Variants in SNTB1 observed in about 807,000 individuals in gnomAD.
The protein encoded by SNTB1 is syntrophin beta 1, also known as beta-1-syntrophin.
A neutral mutation model predicts 48.9 loss-of-function variants in SNTB1; 36 were observed. That is an observed-to-expected ratio of 0.74 (90% CI 0.56 to 0.97). The LOEUF (loss-of-function observed/expected upper bound fraction) is 0.97, where lower values mean the gene tolerates loss of function less well. Ranked by LOEUF, SNTB1 falls within the 50% of genes least tolerant of loss-of-function variation. The pLI is 0.00. For synonymous variants in SNTB1, 299 were observed against 294.6 expected (o/e 1.01, Z -0.15); for missense variants, 786 against 703.4 (o/e 1.12, Z -1.33).
chr8:120,748,880 A>G (rs1418193496), intron 1 of SNTB1, among the ~76,000 whole-genome samples: 2 of 152,190 alleles, frequency 1.3e-5, no homozygotes, highest in Non-Finnish European at 2.9e-5. Flanking sequence ...GACTTCCAGT[A>G]AGTCATTTGC....
chr8:120,777,602 A>G (rs1000934507), intron 1 of SNTB1, among the ~76,000 whole-genome samples: 1 of 152,222 alleles, frequency 6.6e-6, no homozygotes, highest in African/African-American at 2.4e-5. Context: ...TACCTTCCTC[A>G]CTGGCTTCAT....
At chr8:120,805,014 T>C (rs79931888) in intron 1 of SNTB1, among the ~76,000 whole-genome samples, 3,372 of 152,324 alleles carry the variant, frequency 0.022, 117 homozygotes, top group African/African-American at 0.074. Context: ...ATGTTGCTTC[T>C]TTAGGGCAAT....
chr8:120,581,460 G>A (rs549345409), intron 3 of SNTB1, among the ~76,000 whole-genome samples: 18 of 151,944 alleles, frequency 1.2e-4, no homozygotes, highest in African/African-American at 3.1e-4. Flanking sequence ...AAAAATTAGC[G>A]GGGCATGGTG....
At chr8:120,581,199 G>C (rs542505017) in intron 3 of SNTB1, among the ~76,000 whole-genome samples, 1 of 152,204 alleles carries the variant, frequency 6.6e-6, no homozygotes, top group African/African-American at 2.4e-5. Context: ...AAAAAGGCCA[G>C]AAAAAGAAGA....
rs532890025 is a variant in SNTB1, at chr8:120,536,679, A to C, written c.*2198T>G. The C allele has an allele frequency of 4.3e-4, 66 of 152,248 alleles. 1 individual carries two copies. The highest frequency in any genetic ancestry group is 1.5e-3 in the African/African-American group (62 of 41,574). 9.4% of individuals were successfully genotyped at this position (152,248 alleles called of 1,614,324 possible). Reference sequence around the variant, plus strand: ...TTTTATTCAAATATATTTTCCTAAAATATAAATAATTAAATTAAATGTTTA... The same window carrying C: ...TTTTATTCAAATATATTTTCCTAAACTATAAATAATTAAATTAAATGTTTA... On this transcript the variant is annotated 3_prime_UTR_variant, in exon 7 of 7. Transcript: ENST00000517992.
intron 1 of SNTB1, among the ~76,000 whole-genome samples, chr8:120,800,126 C>T (rs1030861919): frequency 2.0e-5 from 3 of 152,020 alleles, no homozygotes; most frequent in Admixed American, 2.0e-4. Flanking sequence ...GGCATCCTGG[C>T]AAGTTCCTTG....
chr8:120,626,341 T>A (rs1816882797), intron 3 of SNTB1, among the ~76,000 whole-genome samples: 1 of 152,208 alleles, frequency 6.6e-6, no homozygotes, highest in African/African-American at 2.4e-5. Flanking sequence ...TGCACAGTAG[T>A]GCTGGGTAAT....
chr8:120,675,166 C>T (rs138439478), intron 2 of SNTB1, among the ~76,000 whole-genome samples: 3,113 of 152,242 alleles, frequency 0.02, 102 homozygotes, highest in African/African-American at 0.07. Context: ...CAATCATTCA[C>T]TTGGATGGCT....
intron 1 of SNTB1, among the ~76,000 whole-genome samples, chr8:120,796,884 TAAAAGA>T (rs148749849): frequency 3.3e-5 from 5 of 152,146 alleles, no homozygotes; most frequent in Admixed American, 2.0e-4. Flanking sequence ...TGTACACCTA[TAAAAGA>T]AAAAGTTTCA....
At chr8:120,555,252 A>G (rs530963925) in intron 4 of SNTB1, among the ~76,000 whole-genome samples, 1 of 152,274 alleles carries the variant, frequency 6.6e-6, no homozygotes, top group South Asian at 2.1e-4. Flanking sequence ...GAGAAAGGGA[A>G]ACAGCTTCTT....
intron 2 of SNTB1, among the ~76,000 whole-genome samples, chr8:120,666,662 C>G (rs780507996): frequency 1.3e-5 from 2 of 152,072 alleles, no homozygotes; most frequent in African/African-American, 4.8e-5. Context: ...AATTTTCAGC[C>G]ATTATTTCTT....
At chr8:120,638,161 G>C (rs923107756) in intron 2 of SNTB1, 2 of 152,230 alleles carry the variant, frequency 1.3e-5, no homozygotes, top group African/African-American at 4.8e-5. Context: ...CAGCATTTTT[G>C]TGTGTGTGTG....
Position 120,699,694 on chromosome 8 carries a change from G to A in SNTB1, c.572-5786C>T, listed in dbSNP as rs180850792. ...AAATGGATTAACACACAACCCATTG[G>A]CCAGAACTTACTCACATGGCCACTT... On this transcript the variant is annotated intron_variant, in intron 1 of 6. Coordinates refer to ENST00000517992, the MANE Select transcript of SNTB1 (RefSeq NM_021021.4). Among the ~76,000 whole-genome samples the A allele has an allele frequency of 2.6e-5, 4 of 152,206 alleles. No individual in the cohort carries two copies. The East Asian group carries it at 5.8e-4, about 22-fold the overall frequency.
intron 2 of SNTB1, among the ~76,000 whole-genome samples, chr8:120,687,358 C>G (rs190134538): frequency 6.6e-6 from 1 of 152,262 alleles, no homozygotes; most frequent in Admixed American, 6.5e-5. Context: ...TTCGTACTCA[C>G]AGGAAGAAAG....
intron 1 of SNTB1, among the ~76,000 whole-genome samples, chr8:120,729,463 G>C (rs758652588): frequency 1.3e-5 from 2 of 152,124 alleles, no homozygotes; most frequent in African/African-American, 4.8e-5. Context: ...AATAATGTAC[G>C]AATATATATG....
At chr8:120,794,546 AT>A (rs1186605735) in intron 1 of SNTB1, among the ~76,000 whole-genome samples, 1 of 152,078 alleles carries the variant, frequency 6.6e-6, no homozygotes, top group Non-Finnish European at 1.5e-5. Context: ...CAAGGTAAAT[AT>A]ATAAAGAGGG....
Position 120,811,518 on chromosome 8 carries a change from T to C in SNTB1, c.326A>G (p.Gln109Arg). The change falls in exon 1 of 7, where the codon CAG (glutamine) becomes CGG (arginine). Residue 109 changes from glutamine (Q) to arginine (R), a missense_variant. By Grantham distance (43) the Gln-to-Arg change is conservative. Transcript: ENST00000517992. ...PEQVPESISN[Q>R]KRGVKVLKQE... Reference sequence around the variant, plus strand: ...CTTCAGCACCTTCACGCCACGCTTCTGGTTCGAGATGGACTCGGGCACCTG... The same window carrying C: ...CTTCAGCACCTTCACGCCACGCTTCCGGTTCGAGATGGACTCGGGCACCTG... The C allele has an allele frequency of 3.7e-6, 6 of 1,612,648 alleles. No homozygotes were observed. The highest frequency in any genetic ancestry group is 5.1e-6 in the Non-Finnish European group (6 of 1,179,352).
At chr8:120,707,307 A>T (rs1452729236) in intron 1 of SNTB1, among the ~76,000 whole-genome samples, 1 of 152,178 alleles carries the variant, frequency 6.6e-6, no homozygotes, top group Non-Finnish European at 1.5e-5. Context: ...CGTAGAACTA[A>T]TGCCTTTAGG....
chr8:120,646,806 T>A (rs571316441), intron 2 of SNTB1, among the ~76,000 whole-genome samples: 3 of 152,334 alleles, frequency 2.0e-5, no homozygotes, highest in African/African-American at 4.8e-5. Context: ...GGACTCTTTT[T>A]GGTTGGTAAG....
Sources: allele counts gnomAD v4.1 joint callset (sites outside exome capture counted in the v4.1 genomes callset), GRCh38; gene constraint gnomAD v4.1.1; transcripts MANE v1.5; gene names NCBI Gene and HGNC (gene_info 2026-07-23, HGNC 2026-07-21).